The following POLR1E variants were observed in gnomAD, a reference collection of about 807,000 sequenced individuals.
POLR1E encodes DNA-directed RNA polymerase I subunit RPA49.
A neutral mutation model predicts 50.9 loss-of-function variants in POLR1E; 37 were observed. The ratio of observed to expected loss-of-function variants is 0.73; its 90% CI spans 0.56 to 0.96. The LOEUF is 0.96. Ranked by LOEUF, POLR1E falls within the 40% of genes least tolerant of loss-of-function variation. POLR1E has a pLI of 0.00. For missense variants in POLR1E, 426 were observed against 518.1 expected, an observed-to-expected ratio of 0.82 and a Z score of 1.73; for synonymous variants, 166 against 191.6, an observed-to-expected ratio of 0.87 and a Z score of 1.10.
chr9:37,500,973 G>T (rs1268963878), intron 10 of POLR1E, 52 bp downstream of exon 10: 1 of 1,505,718 alleles, frequency 6.6e-7, no homozygotes, highest in African/African-American at 1.4e-5. Context: ...GTAGGTGGGG[G>T]TTGGGAGTGA....
intron 11 of POLR1E, among the ~76,000 whole-genome samples, chr9:37,502,455 C>T (rs2119023758): frequency 6.6e-6 from 1 of 152,310 alleles, no homozygotes; most frequent in Non-Finnish European, 1.5e-5. Flanking sequence ...ACCTTTTAGG[C>T]TCCATCTAGC....
chr9:37,495,647 C>G (rs894259213), intron 7 of POLR1E, among the ~76,000 whole-genome samples: 2 of 152,176 alleles, frequency 1.3e-5, no homozygotes, highest in African/African-American at 4.8e-5. Context: ...GGGGTCCGGT[C>G]AGAAGGAAAA....
At chr9:37,499,420 A>G (rs183633364) in intron 9 of POLR1E, among the ~76,000 whole-genome samples, 1 of 152,326 alleles carries the variant, frequency 6.6e-6, no homozygotes, top group Non-Finnish European at 1.5e-5. Context: ...GTGTGAAAAA[A>G]ATCTTATGGG....
At chr9:37,491,402 G>A (rs1430528548) in intron 4 of POLR1E, among the ~76,000 whole-genome samples, 1 of 151,944 alleles carries the variant, frequency 6.6e-6, no homozygotes, top group Non-Finnish European at 1.5e-5. Flanking sequence ...CTACTTCTGA[G>A]AAACATATAT....
intron 5 of POLR1E, among the ~76,000 whole-genome samples, 169 bp downstream of exon 5, chr9:37,492,884 G>A (rs1220465332): frequency 1.3e-5 from 2 of 152,146 alleles, no homozygotes; most frequent in Non-Finnish European, 2.9e-5. Context: ...AGCCTCCTTG[G>A]TCCCACAGAG....
intron 8 of POLR1E, 150 bp downstream of exon 8, chr9:37,496,136 G>A: frequency 1.6e-6 from 1 of 617,894 alleles, no homozygotes; most frequent in Non-Finnish European, 2.9e-6. Context: ...TTGAATGTTT[G>A]GGCTTTCAGG....
At chr9:37,497,157 A>C (rs575342756) in intron 8 of POLR1E, among the ~76,000 whole-genome samples, 33 of 152,188 alleles carry the variant, frequency 2.2e-4, no homozygotes, top group Non-Finnish European at 3.7e-4. Context: ...GGAGTTCAAG[A>C]CCAGCGTGAC....
At chr9:37,496,012 T>C (rs780763830) in intron 8 of POLR1E, 26 bp downstream of exon 8, 12 of 1,568,766 alleles carry the variant, frequency 7.6e-6, no homozygotes, top group Non-Finnish European at 1.1e-5. Flanking sequence ...CAGATGGGGA[T>C]TCTGGGGAGT....
At chr9:37,493,530 C>A in intron 5 of POLR1E, 29 bp from the exon 6 acceptor site, 1 of 1,549,878 alleles carries the variant, frequency 6.5e-7, no homozygotes, top group Non-Finnish European at 8.8e-7. Flanking sequence ...CTGTCCTGTC[C>A]CCAGTAACCA....
In POLR1E at chr9:37,503,229, T is replaced by C. The variant is rs556149286; in HGVS notation, c.*27T>C. On this transcript the variant is annotated 3_prime_UTR_variant, in exon 12 of 12. Coordinates refer to ENST00000377798, the MANE Select transcript of POLR1E (RefSeq NM_022490.4). ...CGCATGCTTTCCAGACAGGGCGTTT[T>C]GGCTGCATCACAGCCACTGGCTGGT... 4.4e-6 allele frequency: 7 copies of C among 1,574,946 alleles called. No homozygotes were observed. In the Admixed American group the frequency reaches 1.1e-4, roughly 25 times the overall value.
chr9:37,495,036 G>C (rs2274481), intron 6 of POLR1E, 133 bp from the exon 7 acceptor site: 170,886 of 708,260 alleles, frequency 0.24, 22,323 homozygotes, highest in African/African-American at 0.4. Flanking sequence ...ATGGGGAGGC[G>C]AGGTCACTTT....
chr9:37,490,435 C>T (rs545863687), intron 4 of POLR1E: 20 of 801,468 alleles, frequency 2.5e-5, no homozygotes, highest in Middle Eastern at 3.2e-4. Flanking sequence ...GCCATGAATT[C>T]ATAGGGAATA....
At chr9:37,489,235 C>CA (rs533858952) in intron 3 of POLR1E, 80 bp from the exon 4 acceptor site, 117,824 of 899,640 alleles carry the variant, frequency 0.13, 747 homozygotes, top group African/African-American at 0.23. Context: ...GACTCTGTCT[C>CA]AAAAAAAAAA....
At chr9:37,499,562 C>T (rs7851078) in intron 9 of POLR1E, among the ~76,000 whole-genome samples, 2,989 of 152,144 alleles carry the variant, frequency 0.02, 84 homozygotes, top group African/African-American at 0.068. Flanking sequence ...GACAGTATCT[C>T]GCTCTGTCAC....
rs1229089570 is a variant in POLR1E at position 37,488,874 on chromosome 9, GATT to G, written c.258-437_258-435del. Among the ~76,000 whole-genome samples, 13 of 152,018 alleles carry G rather than the reference GATT, an allele frequency of 8.6e-5. No individual in the cohort carries two copies. In the East Asian group the frequency reaches 2.5e-3, roughly 29 times the overall value. On this transcript the variant is annotated intron_variant, in intron 3 of 11. Coordinates refer to ENST00000377798, the MANE Select transcript of POLR1E (RefSeq NM_022490.4). ...ATTGCTGTGGGGTAGGGGTAGGGGA[GATT>G]ATTGTTACCCATGAGTAGATGATGC...
Position 37,495,188 on chromosome 9 carries a change from C to T in POLR1E, c.567C>T (p.Ile189=), listed in dbSNP as rs1465104427. 1 of 1,613,940 alleles carries T rather than the reference C, an allele frequency of 6.2e-7. No homozygotes were observed. Among genetic ancestry groups the T allele is most frequent in the African/African-American group, 1.3e-5 (1 of 74,940 alleles). The stretch of plus-strand genomic sequence containing the variant: ...GAAAAGCTCTGGTCAGCGATGCTAT[C>T]CACAATGACTTGCAAGATGACTCCC... The part of the protein sequence containing the change: ...KGVTALVSDA[I]HNDLQDDSLY... Residue 189 remains isoleucine (I), a synonymous_variant, in exon 7 of 12, where the codon ATC becomes ATT. Coordinates refer to ENST00000377798, the MANE Select transcript of POLR1E (RefSeq NM_022490.4).
intron 1 of POLR1E, chr9:37,486,381 C>G: frequency 6.7e-7 from 1 of 1,496,958 alleles, no homozygotes; most frequent in Non-Finnish European, 8.9e-7. Flanking sequence ...CCCACCAGGT[C>G]TCCCGCCTCC....
At chr9:37,489,698 C>T (rs1426263313) in intron 4 of POLR1E, among the ~76,000 whole-genome samples, 1 of 151,952 alleles carries the variant, frequency 6.6e-6, no homozygotes, top group Non-Finnish European at 1.5e-5. Flanking sequence ...CTCAGCCTCC[C>T]GAGTAGCTGG....
At chr9:37,494,099 C>T (rs1266432724) in intron 6 of POLR1E, among the ~76,000 whole-genome samples, 1 of 152,168 alleles carries the variant, frequency 6.6e-6, no homozygotes, top group African/African-American at 2.4e-5. Context: ...GGATCAGTGG[C>T]TCTGTTTCCG....
Sources: gnomAD v4.1 joint callset for allele counts (sites outside exome capture counted in the v4.1 genomes callset) on GRCh38, gnomAD v4.1.1 for gene constraint, MANE v1.5 for transcripts, NCBI Gene and HGNC (gene_info 2026-07-23, HGNC 2026-07-21) for gene names.